MYH9: variants seen among roughly 807,000 people sequenced by gnomAD.
The protein encoded by MYH9 is myosin-9.
A neutral mutation model predicts 241.9 loss-of-function variants in MYH9; 29 were observed. The ratio of observed to expected loss-of-function variants is 0.12; its 90% CI spans 0.09 to 0.16. The LOEUF is 0.16. Ranked by LOEUF, MYH9 falls within the 10% of genes least tolerant of loss-of-function variation. The pLI, the probability that MYH9 is intolerant of heterozygous loss-of-function variation, is 1.00. For missense variants in MYH9, 1,803 were observed against 2,595.5 expected, an observed-to-expected ratio of 0.69 and a Z score of 6.63; for synonymous variants, 1,047 against 1,062.6, an observed-to-expected ratio of 0.99 and a Z score of 0.29.
At chr22:36,283,524 C>T (rs1317837757) in intron 40 of MYH9, among the ~76,000 whole-genome samples, 3 of 142,972 alleles carry the variant, frequency 2.1e-5, no homozygotes, top group East Asian at 2.0e-4. Context: ...GCAACAAGAG[C>T]GAAACTCCGT....
chr22:36,322,001 C>T (rs1257157174), intron 6 of MYH9, 180 bp from the exon 7 acceptor site: 16 of 653,760 alleles, frequency 2.4e-5, no homozygotes, highest in Non-Finnish European at 3.9e-5. Flanking sequence ...CACGGGACCT[C>T]GGGACTCAGG....
At chr22:36,319,160 CA>C (rs1403370781) in intron 10 of MYH9, among the ~76,000 whole-genome samples, 1 of 152,156 alleles carries the variant, frequency 6.6e-6, no homozygotes, top group African/African-American at 2.4e-5. Flanking sequence ...GGGTCATTTG[CA>C]GCAACCCTAA....
Position 36,282,410 on chromosome 22 carries a change from T to C in MYH9, c.*258A>G, listed in dbSNP as rs1000801864. ...GAGGGCTGAGGAGCCTGCTGGTCGCTCTCTGCCTGGGCCCGGGCCCTGTCT... is the reference window on the plus strand; with the variant it reads ...GAGGGCTGAGGAGCCTGCTGGTCGCCCTCTGCCTGGGCCCGGGCCCTGTCT... On this transcript the variant is annotated 3_prime_UTR_variant, in exon 41 of 41. Transcript: ENST00000216181. The C allele has an allele frequency of 3.3e-6, 2 of 604,414 alleles. No individual in the cohort carries two copies. The highest frequency in any genetic ancestry group is 3.0e-6 in the Non-Finnish European group (1 of 337,008). 37.4% of individuals were successfully genotyped at this position (604,414 alleles called of 1,614,324 possible).
intron 25 of MYH9, 108 bp downstream of exon 25, chr22:36,296,735 A>C: frequency 7.8e-7 from 1 of 1,280,386 alleles, no homozygotes; most frequent in Non-Finnish European, 1.0e-6. Flanking sequence ...TTAAGACAAC[A>C]GTGGAAAGAA....
intron 35 of MYH9, 111 bp downstream of exon 35, chr22:36,286,607 C>A (rs1199791711): frequency 1.0e-5 from 15 of 1,497,974 alleles, no homozygotes; most frequent in Non-Finnish European, 1.3e-5. Context: ...CCATCCCCAG[C>A]CAATTCCTGG....
At chr22:36,283,411 C>A (rs893366114) in intron 40 of MYH9, among the ~76,000 whole-genome samples, 2 of 151,788 alleles carry the variant, frequency 1.3e-5, no homozygotes, top group Non-Finnish European at 2.9e-5. Context: ...GTGGTGCATG[C>A]CTGTAATCCC....
At chr22:36,356,689 A>T (rs2097738772) in intron 1 of MYH9, among the ~76,000 whole-genome samples, 1 of 152,128 alleles carries the variant, frequency 6.6e-6, no homozygotes, top group Admixed American at 6.5e-5. Flanking sequence ...TAATACATAG[A>T]GAATCCACAT....
chr22:36,285,758 C>T lies in MYH9; in HGVS notation c.5174G>A (p.Arg1725Gln), dbSNP rs993895986. The T allele has an allele frequency of 3.7e-6, 6 of 1,610,410 alleles. No individual in the cohort carries two copies. The highest frequency in any genetic ancestry group is 5.1e-6 in the Non-Finnish European group (6 of 1,178,704). The change falls in exon 37 of 41, where the codon CGG becomes CAG. Residue 1725 changes from arginine (R) to glutamine (Q), a missense_variant. Arg to Gln is a conservative substitution (Grantham distance 43). This residue lies in a region of MYH9 where 876 missense variants were observed against 1,077.8 expected (regional missense o/e 0.81). Coordinates refer to ENST00000216181, the MANE Select transcript of MYH9 (RefSeq NM_002473.6). The surrounding 1 kb of genome is among the most constrained non-coding windows in gnomAD (Gnocchi z 7.0). ...CTGGGCGATGCGGGCCTCCAGACGC[C>T]GCTTCTCCTCTAACGCCAGGGCTCT... ...GKGALALEEK[R>Q]RLEARIAQLE...
intron 14 of MYH9, among the ~76,000 whole-genome samples, chr22:36,310,550 A>C (rs2017044676): frequency 6.6e-6 from 1 of 152,314 alleles, no homozygotes; most frequent in African/African-American, 2.4e-5. Context: ...CTCAGTATGC[A>C]AGCGAATGCA....
intron 1 of MYH9, among the ~76,000 whole-genome samples, chr22:36,352,850 C>T (rs572551665): frequency 2.6e-5 from 4 of 152,346 alleles, no homozygotes; most frequent in African/African-American, 9.6e-5. Flanking sequence ...CAAGGCTGGG[C>T]TCTGCTCAGC....
intron 15 of MYH9, among the ~76,000 whole-genome samples, chr22:36,307,984 C>G (rs1305657123): frequency 6.6e-6 from 1 of 151,998 alleles, no homozygotes; most frequent in African/African-American, 2.4e-5. Context: ...TGGTAACTTG[C>G]AAAAGCCACT....
chr22:36,367,087 G>C (rs1477898677), intron 1 of MYH9, among the ~76,000 whole-genome samples: 1 of 152,182 alleles, frequency 6.6e-6, no homozygotes, highest in Non-Finnish European at 1.5e-5. Flanking sequence ...TGGACTTTTA[G>C]GAGTCCCCTG....
At chr22:36,338,364 G>A (rs2017531376) in intron 3 of MYH9, among the ~76,000 whole-genome samples, 1 of 152,154 alleles carries the variant, frequency 6.6e-6, no homozygotes, top group Admixed American at 6.5e-5. Flanking sequence ...AAGAGCTGCA[G>A]CAAGTCCAAT....
chr22:36,352,419 G>A (rs1008118028), intron 1 of MYH9, among the ~76,000 whole-genome samples: 26 of 152,128 alleles, frequency 1.7e-4, no homozygotes, highest in African/African-American at 5.8e-4. Flanking sequence ...GTCCTCAAAC[G>A]CTGCTTCGCC....
intron 2 of MYH9, among the ~76,000 whole-genome samples, chr22:36,343,862 G>A (rs1474306718): frequency 6.6e-6 from 1 of 152,226 alleles, no homozygotes; most frequent in Non-Finnish European, 1.5e-5. Context: ...CAGGAGCTCA[G>A]AAACAATCAA....
chr22:36,286,935 G>A (rs1415030976), intron 34 of MYH9, 89 bp from the exon 35 acceptor site: 4 of 1,577,712 alleles, frequency 2.5e-6, no homozygotes, highest in Non-Finnish European at 3.4e-6. Flanking sequence ...CAGGGCTCAT[G>A]GCTGGTGCTC....
At chr22:36,350,609 A>G (rs1161553134) in intron 1 of MYH9, among the ~76,000 whole-genome samples, 3 of 152,256 alleles carry the variant, frequency 2.0e-5, no homozygotes, top group Non-Finnish European at 4.4e-5. Flanking sequence ...GCTTTCACAC[A>G]TATTTCGCTA....
chr22:36,352,499 C>CT (rs2017782018), intron 1 of MYH9, among the ~76,000 whole-genome samples: 1 of 152,220 alleles, frequency 6.6e-6, no homozygotes, highest in African/African-American at 2.4e-5. Flanking sequence ...CATGGGCACC[C>CT]TCAGGCTGCA....
At chr22:36,385,160 G>T (rs919124945) in intron 1 of MYH9, among the ~76,000 whole-genome samples, 1 of 145,554 alleles carries the variant, frequency 6.9e-6, no homozygotes, top group Non-Finnish European at 1.5e-5. Flanking sequence ...CAAGGCACGG[G>T]TTTTTTTTTT....
Sources: allele counts gnomAD v4.1 joint callset (sites outside exome capture counted in the v4.1 genomes callset), GRCh38; gene constraint gnomAD v4.1.1; regional missense constraint gnomAD v4.1.1; non-coding constraint Gnocchi (gnomAD v3.1); transcripts MANE v1.5; gene names NCBI Gene and HGNC (gene_info 2026-07-23, HGNC 2026-07-21).